TAX1BP1: variants seen among roughly 807,000 people sequenced by gnomAD.
TAX1BP1 encodes the protein tax1-binding protein 1.
In TAX1BP1, 62 loss-of-function variants were observed where a neutral mutation model predicts 97.7. The ratio of observed to expected loss-of-function variants is 0.63; its 90% CI spans 0.52 to 0.78. The LOEUF (loss-of-function observed/expected upper bound fraction) is 0.78, where lower values mean the gene tolerates loss of function less well. Ranked by LOEUF, TAX1BP1 falls within the 30% of genes least tolerant of loss-of-function variation. The probability of loss-of-function intolerance (pLI) is 0.00; values close to 1 mark genes in which losing one functional copy is unlikely to be tolerated. For missense variants in TAX1BP1, 867 were observed against 916.1 expected (o/e 0.95, Z 0.69); for synonymous variants, 340 against 304.2 (o/e 1.12, Z -1.23).
intron 1 of TAX1BP1, 148 bp from the exon 2 acceptor site, chr7:27,748,370 A>T (rs1279259428): frequency 3.9e-6 from 2 of 516,628 alleles, no homozygotes; most frequent in Non-Finnish European, 6.1e-6. Flanking sequence ...ATCAATTTTT[A>T]AGAAGTTCCA....
chr7:27,750,219 C>T (rs1787972806), intron 2 of TAX1BP1, among the ~76,000 whole-genome samples: 1 of 152,158 alleles, frequency 6.6e-6, no homozygotes, highest in African/African-American at 2.4e-5. Flanking sequence ...AAAAGAAGGG[C>T]ATTTCCAGCA....
intron 5 of TAX1BP1, among the ~76,000 whole-genome samples, chr7:27,783,318 G>T (rs548139385): frequency 6.6e-6 from 1 of 152,142 alleles, no homozygotes; most frequent in African/African-American, 2.4e-5. Flanking sequence ...ATTCCTAGTT[G>T]TTTGAAATGG....
At chr7:27,785,522 T>G (rs1214834703) in intron 7 of TAX1BP1, 33 bp downstream of exon 7, 6 of 1,558,106 alleles carry the variant, frequency 3.9e-6, no homozygotes, top group Non-Finnish European at 5.3e-6. Flanking sequence ...TATTGCCTGT[T>G]GCTTCAAAAG....
chr7:27,769,863 AGTT>A (rs1388452582), intron 5 of TAX1BP1, 29 bp downstream of exon 5: 1 of 1,606,902 alleles, frequency 6.2e-7, no homozygotes, highest in Non-Finnish European at 8.5e-7. Flanking sequence ...AACTGATTGA[AGTT>A]GATAGTATAT....
chr7:27,792,779 T>C (rs910236096), intron 9 of TAX1BP1, among the ~76,000 whole-genome samples: 12 of 151,878 alleles, frequency 7.9e-5, no homozygotes, highest in Non-Finnish European at 1.6e-4. Context: ...CCGGGCAACA[T>C]AGTGAGACCT....
intron 8 of TAX1BP1, 25 bp downstream of exon 8, chr7:27,787,628 T>G: frequency 6.4e-7 from 1 of 1,564,506 alleles, no homozygotes; most frequent in Non-Finnish European, 8.6e-7. Flanking sequence ...TATATATATT[T>G]GAAGATTGTA....
At chr7:27,812,333 TA>T (rs2128323691) in intron 13 of TAX1BP1, among the ~76,000 whole-genome samples, 1 of 152,362 alleles carries the variant, frequency 6.6e-6, no homozygotes, top group Admixed American at 6.5e-5. Flanking sequence ...TATTTTTTTT[TA>T]TTGAGCTGTC....
At chr7:27,803,937 A>C (rs1194719827) in intron 13 of TAX1BP1, among the ~76,000 whole-genome samples, 1 of 152,192 alleles carries the variant, frequency 6.6e-6, no homozygotes, top group Non-Finnish European at 1.5e-5. Flanking sequence ...CTATATTCAG[A>C]CTTGGGTATT....
intron 5 of TAX1BP1, among the ~76,000 whole-genome samples, chr7:27,773,955 G>T (rs1477613113): frequency 6.6e-6 from 1 of 152,014 alleles, no homozygotes; most frequent in Non-Finnish European, 1.5e-5. Flanking sequence ...TTTTCAACTT[G>T]AATAATAAGA....
intron 12 of TAX1BP1, among the ~76,000 whole-genome samples, chr7:27,796,880 T>C (rs1284416198): frequency 6.6e-6 from 1 of 151,842 alleles, no homozygotes; most frequent in Non-Finnish European, 1.5e-5. Flanking sequence ...ATAAAATAAA[T>C]TACTATTATA....
intron 2 of TAX1BP1, among the ~76,000 whole-genome samples, chr7:27,755,377 C>T (rs1051570285): frequency 6.6e-6 from 1 of 152,194 alleles, no homozygotes; most frequent in Non-Finnish European, 1.5e-5. Flanking sequence ...CTCCAAACAT[C>T]AGTCCCCTCT....
chr7:27,772,269 T>TA (rs779546673), intron 5 of TAX1BP1: 9 of 152,204 alleles, frequency 5.9e-5, no homozygotes. Context: ...GGATGGCTTA[T>TA]AAAATCTGTG....
In TAX1BP1 at chr7:27,828,838, T is replaced by C. The variant is rs1782578751; in HGVS notation, c.*9T>C. ...TTCTAAATTTTGACTAGTTACTTTTTATTATGAGTTAATATAGTTTAGCAG... is the reference window on the plus strand; with the variant it reads ...TTCTAAATTTTGACTAGTTACTTTTCATTATGAGTTAATATAGTTTAGCAG... On this transcript the variant is annotated 3_prime_UTR_variant, in exon 17 of 17. Transcript: ENST00000396319. 1 of 1,598,250 alleles carries C rather than the reference T, an allele frequency of 6.3e-7. No individual in the cohort carries two copies.
chr7:27,826,651 C>G (rs1363867465), intron 15 of TAX1BP1, among the ~76,000 whole-genome samples: 1 of 152,140 alleles, frequency 6.6e-6, no homozygotes, highest in African/African-American at 2.4e-5. Flanking sequence ...GTTAAATGAG[C>G]CTGTGTGTTT....
At chr7:27,780,930 G>A (rs1789230824) in intron 5 of TAX1BP1, among the ~76,000 whole-genome samples, 1 of 151,918 alleles carries the variant, frequency 6.6e-6, no homozygotes, top group Admixed American at 6.6e-5. Flanking sequence ...ACATCATTGA[G>A]TAGTTCCCAT....
At chr7:27,792,968 A>T in intron 9 of TAX1BP1, 98 bp from the exon 10 acceptor site, 1 of 1,145,232 alleles carries the variant, frequency 8.7e-7, no homozygotes, top group African/African-American at 1.6e-5. Flanking sequence ...TCTCAAAAAC[A>T]AAAAAAAGAA....
chr7:27,817,782 G>A (rs918639675), intron 15 of TAX1BP1, among the ~76,000 whole-genome samples: 5 of 152,022 alleles, frequency 3.3e-5, no homozygotes, highest in Admixed American at 2.0e-4. Flanking sequence ...TGTGCATTAA[G>A]ATGAATTTAA....
intron 4 of TAX1BP1, among the ~76,000 whole-genome samples, chr7:27,766,354 A>T (rs540527584): frequency 6.6e-4 from 91 of 138,542 alleles, no homozygotes; most frequent in African/African-American, 2.1e-3. Flanking sequence ...CGGGAGGCAG[A>T]GCTTGCAGTG....
chr7:27,813,936 T>C (rs1476805798), intron 13 of TAX1BP1, among the ~76,000 whole-genome samples: 1 of 152,148 alleles, frequency 6.6e-6, no homozygotes, highest in Non-Finnish European at 1.5e-5. Context: ...AAATACTTAA[T>C]GGTCAGTAAG....
Sources: gnomAD v4.1 joint callset for allele counts (sites outside exome capture counted in the v4.1 genomes callset) on GRCh38, gnomAD v4.1.1 for gene constraint, MANE v1.5 for transcripts, NCBI Gene and HGNC (gene_info 2026-07-23, HGNC 2026-07-21) for gene names.